Variants in DENND1A observed in about 807,000 individuals in gnomAD.
DENND1A encodes the protein DENN domain-containing protein 1A.
In DENND1A, 51 loss-of-function variants were observed where a neutral mutation model predicts 113.7. The ratio of observed to expected loss-of-function variants is 0.45; its 90% confidence interval spans 0.36 to 0.57. The LOEUF (loss-of-function observed/expected upper bound fraction) is 0.57. DENND1A is among the 20% of genes least tolerant of loss of function. DENND1A has a pLI of 0.00. For missense variants in DENND1A, 1,258 were observed against 1,395.9 expected, an observed-to-expected ratio of 0.90 and a Z score of 1.57; for synonymous variants, 565 against 570.8, an observed-to-expected ratio of 0.99 and a Z score of 0.14.
chr9:123,725,656 G>T (rs778692294), intron 5 of DENND1A, among the ~76,000 whole-genome samples: 3 of 152,238 alleles, frequency 2.0e-5, no homozygotes, highest in South Asian at 4.1e-4. Context: ...CAGCAGGAGG[G>T]CCCCTGGCCA....
At position 123,769,535 on chromosome 9, in the gene DENND1A, C is replaced by T; in HGVS notation, c.161G>A (p.Cys54Tyr). Reference protein sequence around the residue: ...QEVLQTLTKFCFPFYVDSLTV... With the variant: ...QEVLQTLTKFYFPFYVDSLTV... Reference sequence around the variant, plus strand: ...CTACCTGTCCACATAGAAGGGGAAACAAAACTTGGTCAAAGTCTGTAGAAC... The same window carrying T: ...CTACCTGTCCACATAGAAGGGGAAATAAAACTTGGTCAAAGTCTGTAGAAC... The change falls in exon 4 of 24, where the codon TGT becomes TAT. Residue 54 changes from cysteine to tyrosine, a missense_variant. By Grantham distance (194) the Cys-to-Tyr change is radical. Transcript: ENST00000394215. The T allele has an allele frequency of 6.2e-7, 1 of 1,608,440 alleles. No homozygotes were observed. The highest frequency in any genetic ancestry group is 1.1e-5 in the South Asian group (1 of 90,088).
intron 13 of DENND1A, among the ~76,000 whole-genome samples, chr9:123,515,174 T>A (rs1163327753): frequency 6.6e-6 from 1 of 152,218 alleles, no homozygotes; most frequent in Non-Finnish European, 1.5e-5. Context: ...CCCAAGTACA[T>A]TAAGCAAGAA....
intron 2 of DENND1A, among the ~76,000 whole-genome samples, chr9:123,842,478 A>G (rs1564373203): frequency 2.0e-5 from 3 of 152,138 alleles, no homozygotes; most frequent in African/African-American, 7.2e-5. Context: ...AGAAAAAAAA[A>G]AGAGAGAGAG....
intron 12 of DENND1A, among the ~76,000 whole-genome samples, chr9:123,563,681 T>G (rs1024515999): frequency 1.3e-5 from 2 of 152,192 alleles, no homozygotes; most frequent in African/African-American, 4.8e-5. Flanking sequence ...TTGAATTACC[T>G]TCCTAAAACA....
At chr9:123,635,796 T>G (rs1363873892) in intron 9 of DENND1A, among the ~76,000 whole-genome samples, 2 of 152,216 alleles carry the variant, frequency 1.3e-5, no homozygotes, top group African/African-American at 4.8e-5. Flanking sequence ...TCTGACAGGC[T>G]GGCTTGAAAG....
intron 3 of DENND1A, among the ~76,000 whole-genome samples, chr9:123,785,570 A>G (rs1832022484): frequency 6.6e-6 from 1 of 152,184 alleles, no homozygotes; most frequent in Non-Finnish European, 1.5e-5. Flanking sequence ...ACTTTTAAAC[A>G]TATACAAAAG....
At chr9:123,430,871 G>A (rs2046085966) in intron 19 of DENND1A, among the ~76,000 whole-genome samples, 1 of 152,128 alleles carries the variant, frequency 6.6e-6, no homozygotes, top group Non-Finnish European at 1.5e-5. Context: ...GTGCGGTGGT[G>A]TGCACCTATA....
At chr9:123,584,886 C>T (rs532415876) in intron 11 of DENND1A, among the ~76,000 whole-genome samples, 2 of 152,312 alleles carry the variant, frequency 1.3e-5, no homozygotes, top group East Asian at 1.9e-4. Flanking sequence ...TGGGCTCCTT[C>T]AGGGGCTCAT....
At chr9:123,394,648 T>C (rs963956899) in intron 21 of DENND1A, among the ~76,000 whole-genome samples, 1 of 152,208 alleles carries the variant, frequency 6.6e-6, no homozygotes, top group Non-Finnish European at 1.5e-5. Flanking sequence ...CACACATCCA[T>C]ACCCGTGCCC....
At chr9:123,604,455 G>A (rs76709133) in intron 11 of DENND1A, among the ~76,000 whole-genome samples, 11,827 of 152,064 alleles carry the variant, frequency 0.078, 505 homozygotes, top group Non-Finnish European at 0.09. Context: ...TTTTTATACA[G>A]AGCCCCTAGT....
intron 1 of DENND1A, among the ~76,000 whole-genome samples, chr9:123,894,003 A>G (rs1179181186): frequency 6.6e-6 from 1 of 152,136 alleles, no homozygotes; most frequent in Non-Finnish European, 1.5e-5. Flanking sequence ...CTCTCTCCAC[A>G]CCGTCACAAA....
rs191908096 is a variant in DENND1A, at chr9:123,922,263, C to T, written c.17+7626G>A. On this transcript the variant is annotated intron_variant, in intron 1 of 23. Transcript: ENST00000394215. The stretch of plus-strand genomic sequence containing the variant: ...ATTCCTTTTCTTTACACTGCCAAAA[C>T]CTTGCTCTGGACCTTGATCTTCAGC... Among the ~76,000 whole-genome samples the T allele has an allele frequency of 5.3e-5, 8 of 152,242 alleles. No individual in the cohort carries two copies. The East Asian group carries it at 1.5e-3, about 29-fold the overall frequency.
intron 1 of DENND1A, among the ~76,000 whole-genome samples, chr9:123,893,992 GCT>G: frequency 6.6e-6 from 1 of 152,246 alleles, no homozygotes; most frequent in African/African-American, 2.4e-5. Flanking sequence ...AAGCTCAGTT[GCT>G]CTCTCCACAC....
intron 10 of DENND1A, among the ~76,000 whole-genome samples, chr9:123,617,606 G>A (rs988350427): frequency 3.9e-5 from 6 of 152,164 alleles, no homozygotes; most frequent in Admixed American, 3.9e-4. Context: ...TCAAAGCCTG[G>A]GGTAGCCCGC....
chr9:123,617,675 C>T (rs1395124006), intron 10 of DENND1A, among the ~76,000 whole-genome samples: 1 of 152,204 alleles, frequency 6.6e-6, no homozygotes, highest in African/African-American at 2.4e-5. Flanking sequence ...TCAGGAAGGG[C>T]TCCGTGGCTA....
chr9:123,831,030 A>G (rs568668959), intron 2 of DENND1A, among the ~76,000 whole-genome samples: 1 of 152,280 alleles, frequency 6.6e-6, no homozygotes, highest in East Asian at 1.9e-4. Flanking sequence ...TATTATTTGC[A>G]GGCAACATGA....
intron 13 of DENND1A, among the ~76,000 whole-genome samples, chr9:123,519,548 G>A (rs1454211205): frequency 6.6e-6 from 1 of 151,956 alleles, no homozygotes; most frequent in African/African-American, 2.4e-5. Context: ...AGTGATCCTT[G>A]CGTCTCAGCC....
intron 3 of DENND1A, among the ~76,000 whole-genome samples, chr9:123,780,615 T>TG (rs1203549072): frequency 6.6e-6 from 1 of 152,192 alleles, no homozygotes; most frequent in Admixed American, 6.5e-5. Context: ...ATGAAAGGAA[T>TG]GGGGAAGACT....
chr9:123,403,613 G>A (rs888520060), intron 20 of DENND1A, 123 bp from the exon 21 acceptor site: 2 of 818,032 alleles, frequency 2.4e-6, no homozygotes, highest in Non-Finnish European at 4.0e-6. Flanking sequence ...AAAGCTACAG[G>A]CTACAAAAGC....
Sources: gnomAD v4.1 joint callset for allele counts (sites outside exome capture counted in the v4.1 genomes callset) on GRCh38, gnomAD v4.1.1 for gene constraint, MANE v1.5 for transcripts, NCBI Gene and HGNC (gene_info 2026-07-23, HGNC 2026-07-21) for gene names.